RBM20: variants seen among roughly 807,000 people sequenced by gnomAD.
RBM20 encodes RNA-binding protein 20.
A neutral mutation model predicts 110.1 loss-of-function variants in RBM20; 51 were observed. The observed-to-expected ratio is 0.46, with a 90% CI of 0.37 to 0.59. The LOEUF (loss-of-function observed/expected upper bound fraction) is 0.59, where lower values mean the gene tolerates loss of function less well. RBM20 is among the 20% of genes least tolerant of loss of function. RBM20 has a pLI of 0.00. For synonymous variants in RBM20, 589 were observed against 618.2 expected (o/e 0.95, Z 0.70); for missense variants, 1,512 against 1,574.9 (o/e 0.96, Z 0.68).
chr10:110,686,494 G>T (rs999487611), intron 1 of RBM20, among the ~76,000 whole-genome samples: 2 of 151,966 alleles, frequency 1.3e-5, no homozygotes, highest in African/African-American at 4.8e-5. Flanking sequence ...ACATGGTAGC[G>T]CACGCCTGTA....
chr10:110,808,799 T>TA (rs1351157279), intron 7 of RBM20, among the ~76,000 whole-genome samples: 2 of 152,106 alleles, frequency 1.3e-5, no homozygotes, highest in Non-Finnish European at 2.9e-5. Flanking sequence ...CAATAACAGA[T>TA]AATCAGCCAC....
At chr10:110,823,418 G>C (rs1844939504) in intron 11 of RBM20, 62 bp from the exon 12 acceptor site, 1 of 1,494,564 alleles carries the variant, frequency 6.7e-7, no homozygotes, top group Non-Finnish European at 8.9e-7. Context: ...ACTCTTTGAG[G>C]CATGTTGTAT....
chr10:110,755,281 G>T (rs1457372914), intron 1 of RBM20, among the ~76,000 whole-genome samples: 2 of 152,128 alleles, frequency 1.3e-5, no homozygotes, highest in Non-Finnish European at 2.9e-5. Flanking sequence ...TCTGGGCCCT[G>T]ACATCTTTCA....
intron 6 of RBM20, 130 bp from the exon 7 acceptor site, chr10:110,799,657 C>T (rs1844595911): frequency 5.8e-6 from 5 of 861,344 alleles, no homozygotes; most frequent in Non-Finnish European, 8.6e-6. Context: ...AAGCTCAATG[C>T]TAACTCCTGT....
intron 1 of RBM20, among the ~76,000 whole-genome samples, chr10:110,665,087 A>G (rs1390705773): frequency 6.6e-6 from 1 of 152,058 alleles, no homozygotes; most frequent in Non-Finnish European, 1.5e-5. Context: ...ATATTGCCCA[A>G]GCTTGTCTCA....
At chr10:110,795,131 C>T (rs1564848479) in intron 5 of RBM20, among the ~76,000 whole-genome samples, 1 of 152,356 alleles carries the variant, frequency 6.6e-6, no homozygotes, top group East Asian at 1.9e-4. Context: ...CACCTAGCCT[C>T]AGCCGTCCTT....
chr10:110,727,445 C>A (rs1264608975), intron 1 of RBM20, among the ~76,000 whole-genome samples: 1 of 128,874 alleles, frequency 7.8e-6, no homozygotes, highest in Non-Finnish European at 1.7e-5. Context: ...CCATCCTGTT[C>A]TCACAGATGT....
At chr10:110,733,322 C>G (rs973444420) in intron 1 of RBM20, among the ~76,000 whole-genome samples, 1 of 152,198 alleles carries the variant, frequency 6.6e-6, no homozygotes, top group Admixed American at 6.5e-5. Context: ...CTTCCCTGCC[C>G]TCACCCCTGG....
At position 110,823,185 on chromosome 10, in the gene RBM20, G is replaced by T. The variant is rs371941807; in HGVS notation, c.3317-295G>T. ...GATACTGAGATGGGAGGCATGGGGG[G>T]TGGGGGGTGGATCTTCTCAACTGAA... On this transcript the variant is annotated intron_variant, in intron 11 of 13. Transcript: ENST00000369519. Among the ~76,000 whole-genome samples the T allele has an allele frequency of 7.2e-5, 11 of 151,962 alleles. No individual in the cohort carries two copies. In the East Asian group the frequency reaches 1.2e-3, roughly 16 times the overall value.
intron 1 of RBM20, among the ~76,000 whole-genome samples, chr10:110,654,634 A>G (rs1487009566): frequency 6.6e-6 from 1 of 151,958 alleles, no homozygotes; most frequent in African/African-American, 2.4e-5. Context: ...GTCAGTGACT[A>G]GCAGTTTGTT....
At chr10:110,788,237 C>G (rs1315426319) in intron 5 of RBM20, among the ~76,000 whole-genome samples, 1 of 152,196 alleles carries the variant, frequency 6.6e-6, no homozygotes, top group African/African-American at 2.4e-5. Flanking sequence ...ACCCCACAAG[C>G]CGCTTGGGAG....
intron 1 of RBM20, among the ~76,000 whole-genome samples, chr10:110,696,447 C>T (rs976716898): frequency 2.0e-5 from 3 of 152,192 alleles, no homozygotes; most frequent in Non-Finnish European, 2.9e-5. Context: ...TGAGCTGTCA[C>T]GTCAGACCTC....
intron 5 of RBM20, among the ~76,000 whole-genome samples, chr10:110,786,673 G>T (rs553883798): frequency 6.6e-6 from 1 of 152,250 alleles, no homozygotes; most frequent in Non-Finnish European, 1.5e-5. Context: ...GATTCAGTGA[G>T]GCCTGTCCTC....
intron 1 of RBM20, among the ~76,000 whole-genome samples, chr10:110,656,074 G>T (rs144093096): frequency 0.011 from 1,619 of 152,238 alleles, 33 homozygotes; most frequent in African/African-American, 0.038. Flanking sequence ...GCCGAGGCAC[G>T]TGGATCACCT....
intron 1 of RBM20, among the ~76,000 whole-genome samples, chr10:110,662,477 T>G (rs886643525): frequency 1.3e-5 from 2 of 152,192 alleles, no homozygotes; most frequent in Non-Finnish European, 2.9e-5. Flanking sequence ...TCATTCACAT[T>G]TCTCTCAGAG....
At chr10:110,657,237 G>A (rs1220444346) in intron 1 of RBM20, among the ~76,000 whole-genome samples, 1 of 151,424 alleles carries the variant, frequency 6.6e-6, no homozygotes, top group African/African-American at 2.4e-5. Context: ...GGATCATCTC[G>A]ATCTCCTGAC....
At chr10:110,785,466 G>T (rs917697644) in intron 5 of RBM20, among the ~76,000 whole-genome samples, 2 of 152,156 alleles carry the variant, frequency 1.3e-5, no homozygotes, top group Non-Finnish European at 2.9e-5. Context: ...TGAGGCAAGA[G>T]AATCACTTGA....
At chr10:110,705,495 CTG>C (rs1324721247) in intron 1 of RBM20, among the ~76,000 whole-genome samples, 2 of 152,114 alleles carry the variant, frequency 1.3e-5, no homozygotes, top group Non-Finnish European at 2.9e-5. Context: ...GAGATACAAA[CTG>C]TGTTGGAAAT....
intron 1 of RBM20, among the ~76,000 whole-genome samples, chr10:110,667,822 G>C (rs1252795138): frequency 6.6e-6 from 1 of 152,138 alleles, no homozygotes; most frequent in Non-Finnish European, 1.5e-5. Context: ...TGTGGCCTTT[G>C]ATTCCTGGGC....
Sources: gnomAD v4.1 joint callset for allele counts (sites outside exome capture counted in the v4.1 genomes callset) on GRCh38, gnomAD v4.1.1 for gene constraint, MANE v1.5 for transcripts, NCBI Gene and HGNC (gene_info 2026-07-23, HGNC 2026-07-21) for gene names.